ZNF721: variants seen among roughly 807,000 people sequenced by gnomAD.
ZNF721 encodes the protein zinc finger protein 721.
ZNF721 carries 2 observed loss-of-function variants against 2.4 expected under a neutral mutation model. That is an observed-to-expected ratio of 0.82 (90% CI 0.34 to 2.58). ZNF721 has a LOEUF of 2.58. Among genes scored for constraint, ZNF721 ranks in the 30% most tolerant of loss-of-function variants. The pLI is 0.11. For missense variants in ZNF721, 1,187 were observed against 1,085.5 expected (o/e 1.09, Z -1.31); for synonymous variants, 398 against 381.8 (o/e 1.04, Z -0.50).
rs966859233 is a variant in ZNF721 at position 480,081 on chromosome 4, C to T, written c.-93-7380G>A. Among the ~76,000 whole-genome samples, 3 of 152,266 alleles carry T rather than the reference C, an allele frequency of 2.0e-5. No individual in the cohort carries two copies. The East Asian group carries it at 5.8e-4, about 29-fold the overall frequency. ...TTCAGGATGTCAATTTGGAACTCTA[C>T]AGAAACACTTTAAGTCAATGTGGGG... On this transcript the variant is annotated intron_variant, in intron 1 of 2. Coordinates refer to ENST00000511833, the MANE Select transcript of ZNF721 (RefSeq NM_133474.4).
At chr4:472,446 A>G (rs1715465213) in intron 2 of ZNF721, 129 bp downstream of exon 2, 4 of 1,019,446 alleles carry the variant, frequency 3.9e-6, no homozygotes, top group African/African-American at 3.3e-5. Context: ...CTATACACAT[A>G]TATAACTTAC....
chr4:453,292 G>A (rs1390015426), intron 2 of ZNF721, among the ~76,000 whole-genome samples: 1 of 152,196 alleles, frequency 6.6e-6, no homozygotes, highest in South Asian at 2.1e-4. Flanking sequence ...AGTAGCAGAT[G>A]GTCTTACTAC....
At chr4:485,572 A>G (rs2108720745) in intron 1 of ZNF721, among the ~76,000 whole-genome samples, 1 of 152,294 alleles carries the variant, frequency 6.6e-6, no homozygotes, top group Non-Finnish European at 1.5e-5. Context: ...AATTTGAGAA[A>G]TATTATTTTC....
intron 2 of ZNF721, among the ~76,000 whole-genome samples, chr4:461,765 C>T (rs1196425847): frequency 3.9e-5 from 6 of 151,998 alleles, no homozygotes; most frequent in African/African-American, 7.3e-5. Context: ...CCCAGCTACT[C>T]GGGAGGCTGA....
At chr4:483,418 G>A (rs1459464974) in intron 1 of ZNF721, among the ~76,000 whole-genome samples, 4 of 152,106 alleles carry the variant, frequency 2.6e-5, no homozygotes, top group Admixed American at 2.0e-4. Context: ...TGGGCATGGT[G>A]GTGAGTGCTT....
chr4:491,527 A>C (rs1016922234), intron 1 of ZNF721, among the ~76,000 whole-genome samples: 1 of 152,252 alleles, frequency 6.6e-6, no homozygotes. Context: ...CCAAATGTAA[A>C]TGTTTCAAGA....
intron 1 of ZNF721, among the ~76,000 whole-genome samples, chr4:498,617 A>G (rs1716438465): frequency 6.6e-6 from 1 of 152,270 alleles, no homozygotes. Flanking sequence ...TGTAAGCAAA[A>G]TAAGACACAG....
chr4:456,219 C>T (rs944569749), intron 2 of ZNF721, among the ~76,000 whole-genome samples: 8 of 152,112 alleles, frequency 5.3e-5, no homozygotes, highest in African/African-American at 1.7e-4. Flanking sequence ...TACAGGCATG[C>T]GCCACCACAC....
chr4:489,180 A>G (rs1715966544), intron 1 of ZNF721, among the ~76,000 whole-genome samples: 1 of 152,146 alleles, frequency 6.6e-6, no homozygotes, highest in Admixed American at 6.5e-5. Flanking sequence ...ACTCATAGGT[A>G]ATAACCAAGA....
At chr4:472,491 G>A in intron 2 of ZNF721, 84 bp downstream of exon 2, 1 of 1,443,130 alleles carries the variant, frequency 6.9e-7, no homozygotes, top group East Asian at 2.3e-5. Flanking sequence ...TTTTTATATA[G>A]ATATATCTCA....
chr4:453,927 TG>T, intron 2 of ZNF721: 1 of 152,308 alleles, frequency 6.6e-6, no homozygotes, highest in East Asian at 1.9e-4. Context: ...CGGTATATAT[TG>T]GGAACCTGCT....
At chr4:470,931 C>T (rs144864115) in intron 2 of ZNF721, among the ~76,000 whole-genome samples, 2,536 of 150,528 alleles carry the variant, frequency 0.017, 68 homozygotes, top group African/African-American at 0.058. Flanking sequence ...ACCCAGGAGG[C>T]GGAGTTAGCA....
chr4:495,481 C>T lies in ZNF721; in HGVS notation c.-94+3575G>A, dbSNP rs1218867007. 3.5e-4 allele frequency among the ~76,000 whole-genome samples: 48 copies of T among 135,880 alleles called. 1 individual carries two copies. Among genetic ancestry groups the T allele is most frequent in the Middle Eastern group, 4.8e-3 (1 of 208 alleles). 89.1% of individuals were successfully genotyped at this position (135,880 alleles called of 152,430 possible). Reference sequence around the variant, plus strand: ...TTTTTTTTTTTTTTTGAGATGGAATCTCTCGATCAGGGGTAGCTTTGCCAC... The same window carrying T: ...TTTTTTTTTTTTTTTGAGATGGAATTTCTCGATCAGGGGTAGCTTTGCCAC... On this transcript the variant is annotated intron_variant, in intron 1 of 2. Coordinates refer to ENST00000511833, the MANE Select transcript of ZNF721 (RefSeq NM_133474.4).
At chr4:498,534 G>C (rs1553873195) in intron 1 of ZNF721, among the ~76,000 whole-genome samples, 1 of 152,132 alleles carries the variant, frequency 6.6e-6, no homozygotes, top group East Asian at 1.9e-4. Context: ...ATACACAATG[G>C]AGTACTATTC....
chr4:452,055 T>G (rs1451611767), intron 2 of ZNF721, among the ~76,000 whole-genome samples: 1 of 152,238 alleles, frequency 6.6e-6, no homozygotes, highest in South Asian at 2.1e-4. Context: ...AGATAGGGAC[T>G]GGTTGCTACA....
chr4:443,724 G>C lies in ZNF721; in HGVS notation c.743C>G (p.Pro248Arg). Reference protein sequence around the residue: ...KHEKIHTGEKPYKCKECGKVI... With the variant: ...KHEKIHTGEKRYKCKECGKVI... ...TTTGCCACATTCCTTACATTTGTAG[G>C]GTTTCTCTCCAGTATGAATTTTCTC... The change falls in exon 3 of 3, where the codon CCC (proline) becomes CGC (arginine). Residue 248 changes from proline to arginine, a missense_variant. Transcript: ENST00000511833. 6.2e-7 allele frequency: 1 copy of C among 1,614,088 alleles called. No homozygotes were observed. The highest frequency in any genetic ancestry group is 8.5e-7 in the Non-Finnish European group (1 of 1,180,004).
In ZNF721 at chr4:441,543, T is replaced by G. The variant is rs1212612321; in HGVS notation, c.*152A>C. On this transcript the variant is annotated 3_prime_UTR_variant, in exon 3 of 3. Transcript: ENST00000511833. ...TTCTCACATTTTTCACATTTTAGAG[T>G]TTCTCTTCATTATGAATTATCTTAT... 1.5e-6 allele frequency: 1 copy of G among 663,614 alleles called. No individual in the cohort carries two copies. The highest frequency in any genetic ancestry group is 1.8e-5 in the African/African-American group (1 of 55,252). 41.1% of individuals were successfully genotyped at this position (663,614 alleles called of 1,614,324 possible).
At chr4:455,435 T>C (rs1714816204) in intron 2 of ZNF721, among the ~76,000 whole-genome samples, 1 of 152,008 alleles carries the variant, frequency 6.6e-6, no homozygotes, top group Non-Finnish European at 1.5e-5. Flanking sequence ...GACATGGTAG[T>C]GCACACCTGT....
intron 2 of ZNF721, among the ~76,000 whole-genome samples, chr4:458,482 C>G (rs1337052984): frequency 6.6e-6 from 1 of 152,152 alleles, no homozygotes; most frequent in African/African-American, 2.4e-5. Flanking sequence ...GGCTTCATGA[C>G]TTATGAAGGA....
Sources: gnomAD v4.1 joint callset for allele counts (sites outside exome capture counted in the v4.1 genomes callset) on GRCh38, gnomAD v4.1.1 for gene constraint, MANE v1.5 for transcripts, NCBI Gene and HGNC (gene_info 2026-07-23, HGNC 2026-07-21) for gene names.